The following KANK4 variants were observed in gnomAD, a reference collection of about 807,000 sequenced individuals.
KANK4 encodes the protein KN motif and ankyrin repeat domains 4, also known as KN motif and ankyrin repeat domain-containing protein 4.
In KANK4, 50 loss-of-function variants were observed where a neutral mutation model predicts 80.8. The ratio of observed to expected loss-of-function variants is 0.62; its 90% CI spans 0.49 to 0.78. The LOEUF is 0.78. Ranked by LOEUF, KANK4 falls within the 30% of genes least tolerant of loss-of-function variation. The pLI is 0.00. For synonymous variants in KANK4, 465 were observed against 506.9 expected (o/e 0.92, Z 1.11); for missense variants, 1,196 against 1,240.1 (o/e 0.96, Z 0.53).
At chr1:62,263,844 G>A (rs769458074) in intron 6 of KANK4, among the ~76,000 whole-genome samples, 2 of 152,190 alleles carry the variant, frequency 1.3e-5, no homozygotes, top group African/African-American at 2.4e-5. Context: ...TGCTTGACAT[G>A]TTTGGCTTTT....
chr1:62,281,294 A>AT (rs1487688254), intron 2 of KANK4, among the ~76,000 whole-genome samples: 13 of 152,198 alleles, frequency 8.5e-5, no homozygotes, highest in African/African-American at 2.9e-4. Context: ...ACATGTGAGG[A>AT]TTGAGGATCA....
At position 62,289,429 on chromosome 1, in the gene KANK4, GGAGGGGACTCACCCTCCCCAGAA is replaced by G. The variant is rs1454026801; in HGVS notation, c.-70-7818_-70-7796del. 3.3e-5 allele frequency among the ~76,000 whole-genome samples: 5 copies of G among 152,118 alleles called. No individual in the cohort carries two copies. The East Asian group carries it at 9.7e-4, about 29-fold the overall frequency. On this transcript the variant is annotated intron_variant, in intron 1 of 9. Transcript: ENST00000371153. Reference sequence around the variant, plus strand: ...TTTCAAAGAGCCTCAGTGTTGATGAGGAGGGGACTCACCCTCCCCAGAAGATTGCAGCAGAGTGGGGGCAGCTG... The same window carrying G: ...TTTCAAAGAGCCTCAGTGTTGATGAGGATTGCAGCAGAGTGGGGGCAGCTG...
At chr1:62,250,651 A>G (rs2457809) in intron 8 of KANK4, among the ~76,000 whole-genome samples, 53,776 of 152,018 alleles carry the variant, frequency 0.35, 9,839 homozygotes, top group East Asian at 0.66. Context: ...TTCTCTGTAC[A>G]AAGAAGGGGT....
intron 1 of KANK4, among the ~76,000 whole-genome samples, chr1:62,295,759 T>C (rs1438833871): frequency 2.0e-5 from 3 of 152,224 alleles, no homozygotes; most frequent in African/African-American, 7.2e-5. Context: ...GGACATGGAA[T>C]TGATGGTTTC....
chr1:62,251,861 G>A (rs1671628007), intron 8 of KANK4, among the ~76,000 whole-genome samples: 2 of 152,074 alleles, frequency 1.3e-5, no homozygotes, highest in African/African-American at 2.4e-5. Flanking sequence ...GCATGATGGC[G>A]GGTGCCTGTA....
At chr1:62,315,901 C>T (rs1200171320) in intron 1 of KANK4, among the ~76,000 whole-genome samples, 1 of 152,248 alleles carries the variant, frequency 6.6e-6, no homozygotes, top group Admixed American at 6.5e-5. Flanking sequence ...CAAGCACATA[C>T]TCCATGGCCC....
chr1:62,243,404 T>C (rs1462423849), intron 9 of KANK4, among the ~76,000 whole-genome samples: 3 of 151,706 alleles, frequency 2.0e-5, no homozygotes, highest in African/African-American at 7.3e-5. Context: ...AGTGGCGCAA[T>C]CTCAGCTCAC....
chr1:62,247,370 G>T, intron 9 of KANK4, 102 bp downstream of exon 9: 1 of 978,758 alleles, frequency 1.0e-6, no homozygotes, highest in Non-Finnish European at 1.6e-6. Context: ...GAACTCCTGG[G>T]CTCAAGTGAT....
intron 2 of KANK4, among the ~76,000 whole-genome samples, chr1:62,276,182 C>G (rs1249212207): frequency 6.6e-6 from 1 of 152,184 alleles, no homozygotes; most frequent in Non-Finnish European, 1.5e-5. Context: ...GGAAACAAGC[C>G]AGTCCTTCGA....
chr1:62,258,527 C>T (rs1369950998), intron 7 of KANK4, among the ~76,000 whole-genome samples: 3 of 152,116 alleles, frequency 2.0e-5, no homozygotes, highest in African/African-American at 4.8e-5. Context: ...GTTGCCTTTC[C>T]CGTTCAGCTG....
At chr1:62,300,319 C>T (rs1644401400) in intron 1 of KANK4, among the ~76,000 whole-genome samples, 1 of 152,122 alleles carries the variant, frequency 6.6e-6, no homozygotes, top group Admixed American at 6.5e-5. Flanking sequence ...ATCCATTTAT[C>T]AGAAATTCTT....
At chr1:62,261,406 C>T (rs561694253) in intron 7 of KANK4, among the ~76,000 whole-genome samples, 1 of 152,086 alleles carries the variant, frequency 6.6e-6, no homozygotes, top group South Asian at 2.1e-4. Context: ...ATGATCCACC[C>T]GCTTCGGCCT....
intron 1 of KANK4, among the ~76,000 whole-genome samples, chr1:62,282,565 G>GA (rs1672474401): frequency 6.6e-6 from 1 of 152,196 alleles, no homozygotes; most frequent in Non-Finnish European, 1.5e-5. Context: ...AGAAAAGGAT[G>GA]ATGGGTGGCC....
intron 6 of KANK4, among the ~76,000 whole-genome samples, chr1:62,264,276 G>A (rs1477705688): frequency 1.3e-5 from 2 of 152,144 alleles, no homozygotes; most frequent in African/African-American, 4.8e-5. Flanking sequence ...AATTAGCCGG[G>A]CAAGGTGGCT....
chr1:62,270,951 T>C (rs1672147819), intron 4 of KANK4, among the ~76,000 whole-genome samples: 1 of 152,196 alleles, frequency 6.6e-6, no homozygotes, highest in Admixed American at 6.5e-5. Flanking sequence ...ATTTAATAAA[T>C]GTTTGTTGAA....
chr1:62,261,589 C>T (rs1671888237), intron 7 of KANK4, among the ~76,000 whole-genome samples: 1 of 152,084 alleles, frequency 6.6e-6, no homozygotes, highest in South Asian at 2.1e-4. Flanking sequence ...TTCACTAACC[C>T]ACCCCTACTG....
chr1:62,259,376 A>T (rs2149129407), intron 7 of KANK4, among the ~76,000 whole-genome samples: 1 of 152,156 alleles, frequency 6.6e-6, no homozygotes, highest in East Asian at 1.9e-4. Context: ...TCCTGGGTTC[A>T]AGAGATCCTC....
intron 8 of KANK4, among the ~76,000 whole-genome samples, chr1:62,251,981 G>C (rs537309167): frequency 8.2e-6 from 1 of 122,014 alleles, no homozygotes; most frequent in East Asian, 2.6e-4. Context: ...GACAGAGTGA[G>C]ACTCCGTTTC....
intron 7 of KANK4, among the ~76,000 whole-genome samples, chr1:62,262,251 G>C (rs906414205): frequency 1.3e-5 from 2 of 152,184 alleles, no homozygotes; most frequent in African/African-American, 2.4e-5. Context: ...GCTGTAACTT[G>C]AGCAAGTTTT....
Sources: gnomAD v4.1 joint callset for allele counts (sites outside exome capture counted in the v4.1 genomes callset) on GRCh38, gnomAD v4.1.1 for gene constraint, MANE v1.5 for transcripts, NCBI Gene and HGNC (gene_info 2026-07-23, HGNC 2026-07-21) for gene names.